Variants in IQCB1 observed in about 807,000 individuals in gnomAD.
The protein encoded by IQCB1 is IQ motif containing B1.
In IQCB1, 56 loss-of-function variants were observed where a neutral mutation model predicts 84.4. That is an observed-to-expected ratio of 0.66 (90% CI 0.54 to 0.83). The LOEUF is 0.83. Ranked by LOEUF, IQCB1 falls within the 40% of genes least tolerant of loss-of-function variation. The pLI is 0.00. For synonymous variants in IQCB1, 210 were observed against 234.8 expected (o/e 0.89, Z 0.96); for missense variants, 629 against 682.1 (o/e 0.92, Z 0.87).
At position 121,807,293 on chromosome 3, in the gene IQCB1, T is replaced by C. The variant is rs551674435; in HGVS notation, c.587+51A>G. The C allele has an allele frequency of 1.1e-4, 93 of 870,620 alleles. No homozygotes were observed. In the South Asian group the frequency reaches 1.2e-3, roughly 12 times the overall value. The allele number at this position is 870,620 out of a possible 1,614,324, so 53.9% of individuals were successfully genotyped here. A position where few individuals can be genotyped will look rare whatever the true frequency, so the allele number is the denominator to read the frequency against. The stretch of plus-strand genomic sequence containing the variant: ...TTTAGCAAAATTGGAATAAAATTGG[T>C]AATGCTTCTGATAAAAAAAAAGCAG... On this transcript the variant is annotated intron_variant, in intron 7 of 14. Coordinates refer to ENST00000310864, the MANE Select transcript of IQCB1 (RefSeq NM_001023570.4).
intron 5 of IQCB1, among the ~76,000 whole-genome samples, chr3:121,825,323 C>T (rs1576615613): frequency 6.6e-6 from 1 of 152,072 alleles, no homozygotes; most frequent in Admixed American, 6.5e-5. Flanking sequence ...GCCTCCCAAA[C>T]TGCTGGGATT....
chr3:121,827,462 T>G (rs1283132868), intron 4 of IQCB1, among the ~76,000 whole-genome samples: 1 of 152,112 alleles, frequency 6.6e-6, no homozygotes, highest in Non-Finnish European at 1.5e-5. Flanking sequence ...GAAATTATGT[T>G]TATTTGTGCA....
At chr3:121,772,940 A>G (rs1332284109) in intron 13 of IQCB1, among the ~76,000 whole-genome samples, 1 of 151,680 alleles carries the variant, frequency 6.6e-6, no homozygotes, top group East Asian at 1.9e-4. Flanking sequence ...GTATGTGCCT[A>G]TACTTTACTT....
chr3:121,770,810 G>A (rs1441902287), intron 14 of IQCB1, among the ~76,000 whole-genome samples: 1 of 152,094 alleles, frequency 6.6e-6, no homozygotes, highest in African/African-American at 2.4e-5. Flanking sequence ...AGCTTCCTAA[G>A]TACCTGGGAC....
chr3:121,802,370 C>A (rs899352698), intron 7 of IQCB1, among the ~76,000 whole-genome samples: 1 of 151,910 alleles, frequency 6.6e-6, no homozygotes, highest in Non-Finnish European at 1.5e-5. Flanking sequence ...TGGTAGTTTG[C>A]GTCTTTCAAT....
chr3:121,800,878 A>G (rs1283497872), intron 7 of IQCB1, among the ~76,000 whole-genome samples: 1 of 151,866 alleles, frequency 6.6e-6, no homozygotes, highest in African/African-American at 2.4e-5. Context: ...TTCATTTTTT[A>G]CTATTTCACT....
chr3:121,834,566 C>G (rs1559810860), intron 1 of IQCB1, 87 bp from the exon 2 acceptor site: 2 of 152,408 alleles, frequency 1.3e-5, no homozygotes, highest in Non-Finnish European at 2.9e-5. Flanking sequence ...TCCGAATCCT[C>G]TTTCTCCTCC....
chr3:121,810,377 G>C (rs1378787436), intron 5 of IQCB1, among the ~76,000 whole-genome samples: 1 of 151,958 alleles, frequency 6.6e-6, no homozygotes, highest in Non-Finnish European at 1.5e-5. Flanking sequence ...TTATGCCCCT[G>C]TTTTAATTTT....
chr3:121,831,374 A>C (rs1413599941), intron 2 of IQCB1, among the ~76,000 whole-genome samples: 1 of 151,952 alleles, frequency 6.6e-6, no homozygotes, highest in Non-Finnish European at 1.5e-5. Context: ...GGGTTTCTCC[A>C]TGTTGCCCAG....
chr3:121,797,200 T>C lies in IQCB1; in HGVS notation c.794A>G (p.Glu265Gly). The C allele has an allele frequency of 6.2e-7, 1 of 1,605,628 alleles. No individual in the cohort carries two copies. Among genetic ancestry groups the C allele is most frequent in the Non-Finnish European group, 8.5e-7 (1 of 1,173,486 alleles). The stretch of plus-strand genomic sequence containing the variant: ...TTCTTGACTGAATTCAGTCCCAGTT[T>C]CCTGTTTACTTAGTAGACGTCTGAG... ...KGLRRLLSKQ[E>G]TGTEFSQELR... The change falls in exon 9 of 15, where the codon GAA (glutamate) becomes GGA (glycine). Residue 265 changes from glutamate (E) to glycine (G), a missense_variant. Transcript: ENST00000310864.
intron 5 of IQCB1, among the ~76,000 whole-genome samples, chr3:121,813,238 C>T (rs1366182306): frequency 6.6e-6 from 1 of 152,142 alleles, no homozygotes; most frequent in Non-Finnish European, 1.5e-5. Context: ...GATTTTGTCA[C>T]CACCAGGGCT....
At position 121,792,207 on chromosome 3, in the gene IQCB1, CAT is replaced by C. The variant is rs1308707610; in HGVS notation, c.987-1994_987-1993del. On this transcript the variant is annotated intron_variant, in intron 10 of 14. Transcript: ENST00000310864. The stretch of plus-strand genomic sequence containing the variant: ...CATTTTACACTATTAGTATGAAAAA[CAT>C]AGTAATCATTAAAATTGCATCTGCT... Among the ~76,000 whole-genome samples, 7 of 152,244 alleles carry C rather than the reference CAT, an allele frequency of 4.6e-5. No individual in the cohort carries two copies. In the East Asian group the frequency reaches 1.2e-3, roughly 25 times the overall value.
chr3:121,818,793 T>A (rs1363608628), intron 5 of IQCB1, among the ~76,000 whole-genome samples: 2 of 152,090 alleles, frequency 1.3e-5, no homozygotes, highest in African/African-American at 4.8e-5. Flanking sequence ...AGAATCAGTG[T>A]GTAAATGAAG....
chr3:121,793,456 A>G (rs1949071585), intron 10 of IQCB1, among the ~76,000 whole-genome samples: 1 of 152,214 alleles, frequency 6.6e-6, no homozygotes, highest in African/African-American at 2.4e-5. Context: ...TTACTGAGAT[A>G]AGTCCTGAGC....
In IQCB1 at chr3:121,770,187, G is replaced by C. The variant is rs986336759; in HGVS notation, c.*158C>G. ...AGAAAAGAAAAAGAAAATTGAGAGA[G>C]AGGTAGAATATAACTCTTTGCTTAC... On this transcript the variant is annotated 3_prime_UTR_variant, in exon 15 of 15. Coordinates refer to ENST00000310864, the MANE Select transcript of IQCB1 (RefSeq NM_001023570.4). 7 of 609,430 alleles carry C rather than the reference G, an allele frequency of 1.1e-5. No individual in the cohort carries two copies. Among genetic ancestry groups the C allele is most frequent in the Non-Finnish European group, 1.5e-5 (5 of 343,300 alleles). The allele number at this position is 609,430 out of a possible 1,614,324, so 37.8% of individuals were successfully genotyped here.
At chr3:121,778,453 C>A (rs1193904695) in intron 13 of IQCB1, among the ~76,000 whole-genome samples, 1 of 151,838 alleles carries the variant, frequency 6.6e-6, no homozygotes, top group African/African-American at 2.4e-5. Flanking sequence ...AAATCCTTTA[C>A]AACTTTAAGG....
chr3:121,831,098 A>T (rs759927560), intron 2 of IQCB1, among the ~76,000 whole-genome samples: 13 of 152,028 alleles, frequency 8.6e-5, no homozygotes, highest in Non-Finnish European at 1.3e-4. Flanking sequence ...AATTTCCTGG[A>T]TATCACAGGC....
chr3:121,828,169 A>G (rs1950520222), intron 4 of IQCB1, among the ~76,000 whole-genome samples: 1 of 152,130 alleles, frequency 6.6e-6, no homozygotes, highest in Non-Finnish European at 1.5e-5. Flanking sequence ...CCAGTGCCTT[A>G]ATTTCTTCAC....
chr3:121,786,215 G>GAAAAGAAAAGAAAAGAAAA (rs59609336), intron 12 of IQCB1, among the ~76,000 whole-genome samples: 54 of 147,142 alleles, frequency 3.7e-4, no homozygotes, highest in African/African-American at 7.6e-4. Context: ...GAAAAGAAAA[G>GAAAAGAAAAGAAAAGAAAA]GATGCTTTAA....
Sources: gnomAD v4.1 joint callset for allele counts (sites outside exome capture counted in the v4.1 genomes callset) on GRCh38, gnomAD v4.1.1 for gene constraint, MANE v1.5 for transcripts, NCBI Gene and HGNC (gene_info 2026-07-23, HGNC 2026-07-21) for gene names.